Variants in PLS1 observed in about 807,000 individuals in gnomAD.
PLS1 encodes plastin 1, also known as plastin-1.
Under a neutral mutation model 73.7 loss-of-function variants are expected in PLS1, and 32 were observed. The ratio of observed to expected loss-of-function variants is 0.43; its 90% CI spans 0.33 to 0.58. The LOEUF is 0.58. Among genes scored for constraint, PLS1 ranks in the 20% least tolerant of loss-of-function variants. PLS1 has a pLI of 0.04. For synonymous variants in PLS1, 217 were observed against 261.3 expected (o/e 0.83, Z 1.63); for missense variants, 633 against 740.5 (o/e 0.85, Z 1.68).
chr3:142,680,423 A>T (rs1193467808), intron 6 of PLS1, among the ~76,000 whole-genome samples: 2 of 152,230 alleles, frequency 1.3e-5, no homozygotes, highest in African/African-American at 4.8e-5. Flanking sequence ...TGAAATGAAG[A>T]TTCAAGGTAC....
intron 1 of PLS1, among the ~76,000 whole-genome samples, chr3:142,601,025 G>A (rs1236329305): frequency 7.1e-6 from 1 of 139,912 alleles, no homozygotes; most frequent in Non-Finnish European, 1.5e-5. Context: ...CCGGGTTCAC[G>A]CCATTCTCCT....
intron 1 of PLS1, among the ~76,000 whole-genome samples, chr3:142,600,898 ATATATATATATATATATATTT>A (rs1206056105): frequency 1.4e-4 from 4 of 27,874 alleles, no homozygotes; most frequent in South Asian, 1.3e-3. Context: ...ATATATATAT[ATATATATATATATATATATTT>A]TTTTTTTTTT....
chr3:142,601,797 A>G (rs2035932657), intron 1 of PLS1, among the ~76,000 whole-genome samples: 1 of 152,202 alleles, frequency 6.6e-6, no homozygotes, highest in Non-Finnish European at 1.5e-5. Context: ...GATTACAGGC[A>G]TGAACCACTG....
At chr3:142,654,900 G>A (rs1194359373) in intron 1 of PLS1, 1 of 152,076 alleles carries the variant, frequency 6.6e-6, no homozygotes, top group Non-Finnish European at 1.5e-5. Flanking sequence ...CCCATAAACT[G>A]TTGTTTTATT....
At chr3:142,618,826 A>C (rs1406056193) in intron 1 of PLS1, among the ~76,000 whole-genome samples, 3 of 152,300 alleles carry the variant, frequency 2.0e-5, no homozygotes, top group African/African-American at 7.2e-5. Context: ...TCCTGCCCAA[A>C]TAACCTAAGA....
At chr3:142,597,261 GAGGC>G (rs1359481621) in intron 1 of PLS1, 1 of 152,096 alleles carries the variant, frequency 6.6e-6, no homozygotes, top group Admixed American at 6.5e-5. Flanking sequence ...ACACTTGTAT[GAGGC>G]TTCAGCTGTG....
At chr3:142,635,635 A>T (rs78998135) in intron 1 of PLS1, among the ~76,000 whole-genome samples, 5,304 of 152,184 alleles carry the variant, frequency 0.035, 313 homozygotes, top group African/African-American at 0.12. Context: ...GAGATATAAC[A>T]TGGTGATGAA....
chr3:142,640,476 G>C (rs2036807287), intron 1 of PLS1, among the ~76,000 whole-genome samples: 1 of 152,194 alleles, frequency 6.6e-6, no homozygotes, highest in Non-Finnish European at 1.5e-5. Flanking sequence ...AGAAGGCTCA[G>C]TGAGTTCCTT....
At chr3:142,612,323 A>G (rs1560029467) in intron 1 of PLS1, among the ~76,000 whole-genome samples, 1 of 152,216 alleles carries the variant, frequency 6.6e-6, no homozygotes, top group Admixed American at 6.5e-5. Context: ...TTTACAGTGT[A>G]ATGATGTGTC....
At chr3:142,615,743 G>A (rs1056974703) in intron 1 of PLS1, among the ~76,000 whole-genome samples, 3 of 152,124 alleles carry the variant, frequency 2.0e-5, no homozygotes. Context: ...GCAAGCAGAT[G>A]TTGAAGAGGG....
At chr3:142,658,371 G>A (rs1489364509) in intron 1 of PLS1, among the ~76,000 whole-genome samples, 1 of 151,898 alleles carries the variant, frequency 6.6e-6, no homozygotes, top group Non-Finnish European at 1.5e-5. Flanking sequence ...AGCTACTCGG[G>A]AGGCTGAGGT....
chr3:142,632,822 C>T (rs2036595946), intron 1 of PLS1, among the ~76,000 whole-genome samples: 1 of 152,188 alleles, frequency 6.6e-6, no homozygotes, highest in Non-Finnish European at 1.5e-5. Context: ...TGGTCTCAAA[C>T]TCCTGACCTC....
At position 142,694,525 on chromosome 3, in the gene PLS1, C is replaced by T. The variant is rs753122289; in HGVS notation, c.1234C>T (p.Pro412Ser). Reference sequence around the variant, plus strand: ...CTGGATGAATTCCTTGGGAGTCAACCCATACATTAATCATTTGTACAGGTA... The same window carrying T: ...CTGGATGAATTCCTTGGGAGTCAACTCATACATTAATCATTTGTACAGGTA... ...RNWMNSLGVN[P>S]YINHLYSDLA... The change falls in exon 11 of 16, where the codon CCA (proline) becomes TCA (serine). Residue 412 changes from proline (P) to serine (S), a missense_variant. Pro to Ser is a moderately conservative substitution (Grantham distance 74, BLOSUM62 -1). Coordinates refer to ENST00000457734, the MANE Select transcript of PLS1 (RefSeq NM_001145319.2). 3.8e-6 allele frequency: 6 copies of T among 1,595,450 alleles called. No homozygotes were observed. In the South Asian group the frequency reaches 4.4e-5, roughly 12 times the overall value.
intron 14 of PLS1, among the ~76,000 whole-genome samples, chr3:142,708,690 T>A (rs1362824898): frequency 6.6e-6 from 1 of 152,228 alleles, no homozygotes; most frequent in Non-Finnish European, 1.5e-5. Context: ...TTTGCCGAAG[T>A]CATTTCTTTA....
At chr3:142,649,657 A>G (rs2108634294) in intron 1 of PLS1, among the ~76,000 whole-genome samples, 1 of 152,106 alleles carries the variant, frequency 6.6e-6, no homozygotes, top group Non-Finnish European at 1.5e-5. Flanking sequence ...AAAAGTGAAT[A>G]GGAAGAATTT....
intron 10 of PLS1, among the ~76,000 whole-genome samples, chr3:142,691,141 C>G (rs2038077156): frequency 6.6e-6 from 1 of 151,908 alleles, no homozygotes; most frequent in African/African-American, 2.4e-5. Flanking sequence ...GTTCCAGTGT[C>G]CTTGTCACCT....
chr3:142,677,824 T>C (rs2037754355), intron 5 of PLS1, among the ~76,000 whole-genome samples: 1 of 152,190 alleles, frequency 6.6e-6, no homozygotes, highest in South Asian at 2.1e-4. Context: ...GAGGTCTCTC[T>C]GTTTTACACA....
chr3:142,614,923 TG>T (rs113801390), intron 1 of PLS1, among the ~76,000 whole-genome samples: 5,741 of 152,042 alleles, frequency 0.038, 369 homozygotes, highest in African/African-American at 0.13. Context: ...AACAGCTGGG[TG>T]GGGCTGGGCA....
At position 142,618,302 on chromosome 3, in the gene PLS1, C is replaced by T. The variant is rs184866742; in HGVS notation, c.-37+21793C>T. Among the ~76,000 whole-genome samples, 19 of 152,280 alleles carry T rather than the reference C, an allele frequency of 1.2e-4. No homozygotes were observed. In the East Asian group the frequency reaches 3.3e-3, roughly 26 times the overall value. Reference sequence around the variant, plus strand: ...GCATCTCCCAAGTGATAGCTGTTCTCTCGTGGACAATCCAAGGCCAAGGTG... The same window carrying T: ...GCATCTCCCAAGTGATAGCTGTTCTTTCGTGGACAATCCAAGGCCAAGGTG... On this transcript the variant is annotated intron_variant, in intron 1 of 15. Coordinates refer to ENST00000457734, the MANE Select transcript of PLS1 (RefSeq NM_001145319.2).
Sources: allele counts gnomAD v4.1 joint callset (sites outside exome capture counted in the v4.1 genomes callset), GRCh38; gene constraint gnomAD v4.1.1; transcripts MANE v1.5; gene names NCBI Gene and HGNC (gene_info 2026-07-23, HGNC 2026-07-21).